Variants in THTPA observed in about 807,000 individuals in gnomAD.
THTPA encodes thiamine-triphosphatase.
In THTPA, 16 loss-of-function variants were observed where a neutral mutation model predicts 16.5. That is an observed-to-expected ratio of 0.97 (90% confidence interval 0.66 to 1.47). The LOEUF (loss-of-function observed/expected upper bound fraction) is 1.47, where lower values mean the gene tolerates loss of function less well. Among genes scored for constraint, THTPA ranks in the 40% most tolerant of loss-of-function variants. The probability of loss-of-function intolerance (pLI) is 0.00; values close to 1 mark genes in which losing one functional copy is unlikely to be tolerated. For synonymous variants in THTPA, 110 were observed against 115.5 expected, an observed-to-expected ratio of 0.95 and a Z score of 0.30; for missense variants, 281 against 280.9, an observed-to-expected ratio of 1.00 and a Z score of 0.00.
the THTPA span, chr14:23,529,985 C>CTTCCCCCTGATGAGCCCTTTCT: frequency 1.9e-6 from 2 of 1,050,486 alleles, no homozygotes; most frequent in South Asian, 2.8e-5. Context: ...CTCAGCCTCC[C>CTTCCCCCTGATGAGCCCTTTCT]TTCCCCCTGA....
At chr14:23,534,229 G>A in the THTPA span, 1 of 1,516,474 alleles carries the variant, frequency 6.6e-7, no homozygotes. This position sits in a 1 kb window ranked among gnomAD's most constrained non-coding sequence, Gnocchi z 4.5. Flanking sequence ...CTCGCCTGCT[G>A]CTACTGGCGA....
the THTPA span, chr14:23,543,467 G>A: frequency 6.6e-6 from 1 of 152,430 alleles, no homozygotes; most frequent in Admixed American, 6.5e-5. Flanking sequence ...ATTACTCTGT[G>A]TGTCACCTTG....
the THTPA span, chr14:23,544,225 A>C: frequency 6.6e-6 from 1 of 150,794 alleles, no homozygotes; most frequent in East Asian, 2.0e-4. Context: ...ACTGCACTCC[A>C]GCCTGGGTGA....
At chr14:23,549,248 TCCTC>T in the THTPA span, among the ~76,000 whole-genome samples, 1 of 152,124 alleles carries the variant, frequency 6.6e-6, no homozygotes, top group Non-Finnish European at 1.5e-5. Context: ...GCATAGATTT[TCCTC>T]CCTTCCTTTG....
At chr14:23,525,543 TA>T in the THTPA span, 2 of 1,534,082 alleles carry the variant, frequency 1.3e-6, no homozygotes, top group Non-Finnish European at 1.7e-6. The surrounding 1 kb of genome is among the most constrained non-coding windows in gnomAD (Gnocchi z 5.9). Context: ...GGGGGTGGGG[TA>T]GGGGGAGGGG....
chr14:23,539,311 G>A, the THTPA span, among the ~76,000 whole-genome samples: 1 of 152,188 alleles, frequency 6.6e-6, no homozygotes, highest in Non-Finnish European at 1.5e-5. Context: ...GGCTCAGCCA[G>A]GGAGTTAATG....
the THTPA span, chr14:23,535,323 C>T: frequency 6.9e-7 from 1 of 1,454,564 alleles, no homozygotes; most frequent in Non-Finnish European, 9.1e-7. The surrounding 1 kb of genome is among the most constrained non-coding windows in gnomAD (Gnocchi z 4.5). Flanking sequence ...TAAGGGTGGC[C>T]ATGGTAGACG....
the THTPA span, chr14:23,532,967 C>T: frequency 1.2e-5 from 18 of 1,536,040 alleles, no homozygotes; most frequent in South Asian, 5.9e-5. Flanking sequence ...CACTAGGCAG[C>T]GGAACACCTT....
the THTPA span, chr14:23,529,692 A>C: frequency 8.9e-5 from 137 of 1,535,514 alleles, no homozygotes; most frequent in Non-Finnish European, 1.2e-4. Flanking sequence ...AGCTCTTCCC[A>C]GTTACCCCAA....
the THTPA span, among the ~76,000 whole-genome samples, chr14:23,537,439 A>G: frequency 6.6e-6 from 1 of 151,924 alleles, no homozygotes; most frequent in Non-Finnish European, 1.5e-5. Context: ...TTCCTGGGCT[A>G]CCTCTAACCC....
the THTPA span, chr14:23,531,658 A>G: frequency 6.6e-7 from 1 of 1,505,806 alleles, no homozygotes; most frequent in Non-Finnish European, 8.9e-7. Context: ...TCCCACGCAC[A>G]CAACAGGCAG....
chr14:23,556,919 GCGA>G lies in THTPA; in HGVS notation c.169_171del (p.Arg57del), dbSNP rs1566602549. On this transcript the variant is annotated inframe_deletion, in exon 1 of 2. Coordinates refer to ENST00000288014, the MANE Select transcript of THTPA (RefSeq NM_024328.6). ...GCCTCATGCAGGCTGACCACTGGCT[GCGA>G]CGACGAGAGGATAGTGGATGGGAGC... 6.2e-7 allele frequency: 1 copy of G among 1,614,120 alleles called. No homozygotes were observed. Among genetic ancestry groups the G allele is most frequent in the Non-Finnish European group, 8.5e-7 (1 of 1,179,980 alleles).
At chr14:23,533,382 A>G in the THTPA span, 1 of 1,465,256 alleles carries the variant, frequency 6.8e-7, no homozygotes, top group South Asian at 1.4e-5. The surrounding 1 kb of genome is among the most constrained non-coding windows in gnomAD (Gnocchi z 4.8). Flanking sequence ...GCCCCGGGCC[A>G]GCCAAGGGAG....
chr14:23,536,083 CA>C, the THTPA span, among the ~76,000 whole-genome samples: 1 of 152,174 alleles, frequency 6.6e-6, no homozygotes, highest in East Asian at 1.9e-4. Context: ...TCACTAACAC[CA>C]TCCTGGGGCC....
At chr14:23,558,642 C>G (rs951375846) in intron 1 of THTPA, 53 bp from the exon 2 acceptor site, 4 of 1,610,186 alleles carry the variant, frequency 2.5e-6, no homozygotes, top group Non-Finnish European at 3.4e-6. Context: ...GGAGCAGAGT[C>G]CAAGTGCTTG....
chr14:23,525,268 C>G, the THTPA span: 1 of 1,536,120 alleles, frequency 6.5e-7, no homozygotes, highest in Non-Finnish European at 8.7e-7. This position sits in a 1 kb window ranked among gnomAD's most constrained non-coding sequence, Gnocchi z 5.9. Context: ...TCCCCCCTGC[C>G]TCAGGCTCTG....
At chr14:23,557,823 G>C (rs754067066) in intron 1 of THTPA, among the ~76,000 whole-genome samples, 2 of 152,066 alleles carry the variant, frequency 1.3e-5, no homozygotes, top group Non-Finnish European at 1.5e-5. Flanking sequence ...TACAAAAGCT[G>C]CCCTCTGGGA....
At chr14:23,537,582 G>A in the THTPA span, among the ~76,000 whole-genome samples, 1 of 152,166 alleles carries the variant, frequency 6.6e-6, no homozygotes, top group Non-Finnish European at 1.5e-5. Context: ...ATGCTGAGTG[G>A]AGTGGGATTA....
the THTPA span, chr14:23,530,208 G>C: frequency 6.6e-7 from 1 of 1,522,092 alleles, no homozygotes; most frequent in Non-Finnish European, 8.8e-7. Flanking sequence ...TGTAGGATGG[G>C]GGGAGAGTCA....
Sources: allele counts gnomAD v4.1 joint callset (sites outside exome capture counted in the v4.1 genomes callset), GRCh38; gene constraint gnomAD v4.1.1; non-coding constraint Gnocchi (gnomAD v3.1); transcripts MANE v1.5; gene names NCBI Gene and HGNC (gene_info 2026-07-23, HGNC 2026-07-21).